ACYP2: variants seen among roughly 807,000 people sequenced by gnomAD.
The protein encoded by ACYP2 is acylphosphatase-2.
In ACYP2, 12 loss-of-function variants were observed where a neutral mutation model predicts 11.2. The observed-to-expected ratio is 1.08, with a 90% CI of 0.69 to 1.74. The LOEUF (loss-of-function observed/expected upper bound fraction) is 1.74, where lower values mean the gene tolerates loss of function less well. ACYP2 is among the 40% of genes most tolerant of loss of function. The pLI is 0.00. For synonymous variants in ACYP2, 43 were observed against 32.2 expected (o/e 1.33, Z -1.13); for missense variants, 134 against 101.9 (o/e 1.31, Z -1.35).
chr2:54,080,475 A>C (rs1677585779), intron 4 of ACYP2: 1 of 152,254 alleles, frequency 6.6e-6, no homozygotes, highest in Admixed American at 6.6e-5. Flanking sequence ...GTTGATCAAA[A>C]TTTGTGGGTT....
At chr2:54,054,808 A>G (rs1676034500) in intron 3 of ACYP2, among the ~76,000 whole-genome samples, 1 of 152,192 alleles carries the variant, frequency 6.6e-6, no homozygotes. Context: ...GATTTGACAT[A>G]TCTCCCATTG....
chr2:54,224,448 C>A (rs1009454049), intron 6 of ACYP2, among the ~76,000 whole-genome samples: 3 of 152,172 alleles, frequency 2.0e-5, no homozygotes, highest in Non-Finnish European at 4.4e-5. Flanking sequence ...CTTCTATGGA[C>A]TCAGAATGGG....
intron 6 of ACYP2, among the ~76,000 whole-genome samples, chr2:54,148,836 G>A (rs1368361198): frequency 6.6e-6 from 1 of 152,194 alleles, no homozygotes; most frequent in Non-Finnish European, 1.5e-5. Flanking sequence ...TCAAGAAATT[G>A]AATCACAATA....
At chr2:54,160,414 G>A (rs1682659646) in intron 6 of ACYP2, among the ~76,000 whole-genome samples, 4 of 152,232 alleles carry the variant, frequency 2.6e-5, no homozygotes, top group Non-Finnish European at 5.9e-5. Flanking sequence ...AGGATGAAAG[G>A]GAGAGGGGGG....
chr2:54,056,800 G>A (rs532688429), intron 3 of ACYP2, among the ~76,000 whole-genome samples: 1 of 152,038 alleles, frequency 6.6e-6, no homozygotes, highest in South Asian at 2.1e-4. Flanking sequence ...TATATTACCT[G>A]TTGATTCCTA....
chr2:54,254,184 T>C (rs988326886), intron 6 of ACYP2: 2 of 152,022 alleles, frequency 1.3e-5, no homozygotes, highest in Non-Finnish European at 2.9e-5. Flanking sequence ...AACAGTAGGG[T>C]TTCTGAGTGA....
chr2:54,160,235 G>A (rs558628514), intron 6 of ACYP2, among the ~76,000 whole-genome samples: 1 of 152,272 alleles, frequency 6.6e-6, no homozygotes, highest in East Asian at 1.9e-4. Flanking sequence ...GTTATAAGAT[G>A]GCTGTCCCAG....
chr2:54,046,729 G>A (rs1164981297), intron 2 of ACYP2, among the ~76,000 whole-genome samples: 1 of 152,114 alleles, frequency 6.6e-6, no homozygotes, highest in East Asian at 1.9e-4. Context: ...GCTTAGAAGG[G>A]CTTGCACCCG....
In ACYP2 at chr2:54,043,288, G is replaced by T. The variant is rs967872758; in HGVS notation, c.63-7670G>T. 2.6e-5 allele frequency among the ~76,000 whole-genome samples: 4 copies of T among 152,080 alleles called. No homozygotes were observed. In the East Asian group the frequency reaches 7.7e-4, roughly 29 times the overall value. Reference sequence around the variant, plus strand: ...CAATCAAAAGGAATCCAATATACAGGCACTCCTACTCAGACCAGTGGTTCT... The same window carrying T: ...CAATCAAAAGGAATCCAATATACAGTCACTCCTACTCAGACCAGTGGTTCT... On this transcript the variant is annotated intron_variant, in intron 2 of 6. Coordinates refer to ENST00000607452, the MANE Select transcript of ACYP2 (RefSeq NM_001320586.2).
At chr2:54,301,218 C>T (rs1689712643) in intron 6 of ACYP2, among the ~76,000 whole-genome samples, 1 of 152,196 alleles carries the variant, frequency 6.6e-6, no homozygotes, top group Admixed American at 6.5e-5. Context: ...ACATTACCAA[C>T]ATTTTTCCTG....
chr2:54,174,958 G>T (rs150013042), intron 6 of ACYP2, among the ~76,000 whole-genome samples: 2 of 152,092 alleles, frequency 1.3e-5, no homozygotes, highest in South Asian at 2.1e-4. Flanking sequence ...TTTTCACATC[G>T]GTGTTCATCA....
At chr2:54,145,510 A>C (rs1219311763) in intron 6 of ACYP2, among the ~76,000 whole-genome samples, 1 of 151,994 alleles carries the variant, frequency 6.6e-6, no homozygotes, top group East Asian at 1.9e-4. Context: ...ATTTTCAAAC[A>C]CATACATGAA....
At chr2:54,302,834 C>T (rs1379419931) in intron 6 of ACYP2, among the ~76,000 whole-genome samples, 1 of 152,136 alleles carries the variant, frequency 6.6e-6, no homozygotes. Flanking sequence ...TTTCTCACAC[C>T]CACATTCAAT....
intron 6 of ACYP2, among the ~76,000 whole-genome samples, chr2:54,250,422 C>T (rs1463606741): frequency 1.5e-5 from 2 of 129,980 alleles, no homozygotes; most frequent in Non-Finnish European, 3.1e-5. Flanking sequence ...TGCAGTGAGC[C>T]GAGATTGTGC....
chr2:54,059,645 T>G (rs1319261731), intron 4 of ACYP2, among the ~76,000 whole-genome samples: 1 of 152,262 alleles, frequency 6.6e-6, no homozygotes, highest in Admixed American at 6.5e-5. Flanking sequence ...GACTGGTTGC[T>G]GTCTTGATTG....
At chr2:54,018,363 A>G (rs1280357370) in intron 2 of ACYP2, among the ~76,000 whole-genome samples, 1 of 152,234 alleles carries the variant, frequency 6.6e-6, no homozygotes, top group African/African-American at 2.4e-5. Context: ...AGTGGGAAAG[A>G]AAACATCAAA....
At chr2:54,027,548 C>G (rs910888114) in intron 2 of ACYP2, among the ~76,000 whole-genome samples, 3 of 152,140 alleles carry the variant, frequency 2.0e-5, no homozygotes, top group African/African-American at 7.2e-5. Context: ...TGAAAGCTCT[C>G]ATGTCACATA....
intron 6 of ACYP2, chr2:54,255,594 CTCCCTGTTTACCTCATCTATT>C: frequency 6.2e-7 from 1 of 1,613,678 alleles, no homozygotes. Context: ...CAGGCCCTGC[CTCCCTGTTTACCTCATCTATT>C]GCTCTGTTTT....
At chr2:54,024,830 A>G (rs1248066199) in intron 2 of ACYP2, among the ~76,000 whole-genome samples, 1 of 152,184 alleles carries the variant, frequency 6.6e-6, no homozygotes, top group East Asian at 1.9e-4. Flanking sequence ...TCATATACCT[A>G]GAAAACTGTA....
Sources: allele counts gnomAD v4.1 joint callset (sites outside exome capture counted in the v4.1 genomes callset), GRCh38; gene constraint gnomAD v4.1.1; transcripts MANE v1.5; gene names NCBI Gene and HGNC (gene_info 2026-07-23, HGNC 2026-07-21).